The following RIPOR2 variants were observed in gnomAD, a reference collection of about 807,000 sequenced individuals.
The protein encoded by RIPOR2 is rho family-interacting cell polarization regulator 2.
RIPOR2 carries 39 observed loss-of-function variants against 114.5 expected under a neutral mutation model. The ratio of observed to expected loss-of-function variants is 0.34; its 90% CI spans 0.26 to 0.44. The LOEUF is 0.44. RIPOR2 is among the 20% of genes least tolerant of loss of function. The pLI, the probability that RIPOR2 is intolerant of heterozygous loss-of-function variation, is 1.00. For missense variants in RIPOR2, 1,007 were observed against 1,255.1 expected (o/e 0.80, Z 2.99); for synonymous variants, 445 against 484.4 (o/e 0.92, Z 1.07).
Position 24,875,722 on chromosome 6 carries a change from C to A in RIPOR2, c.157G>T (p.Gly53Cys). 6.2e-7 allele frequency: 1 copy of A among 1,613,654 alleles called. No individual in the cohort carries two copies. Among genetic ancestry groups the A allele is most frequent in the Non-Finnish European group, 8.5e-7 (1 of 1,179,798 alleles). ...NGIIRSQSFA[G>C]FSGLQERRSR... ...CGCCTTTCCTGGAGGCCGCTGAAAC[C>A]CGCAAAGGACTGGCTTCTAATGATC... is the stretch of plus-strand genomic sequence containing the variant. Residue 53 changes from glycine (G) to cysteine (C), a missense_variant, in exon 2 of 22, where the codon GGT becomes TGT. By Grantham distance (159) the Gly-to-Cys change is radical. Coordinates refer to ENST00000643898, the MANE Select transcript of RIPOR2 (RefSeq NM_001286445.3).
chr6:24,861,796 C>A (rs905075579), intron 7 of RIPOR2, among the ~76,000 whole-genome samples: 3 of 152,138 alleles, frequency 2.0e-5, no homozygotes, highest in Admixed American at 2.0e-4. Flanking sequence ...GGGATTTGAT[C>A]ATATGAGAGA....
At chr6:24,966,765 G>A (rs148540876) in intron 1 of RIPOR2, among the ~76,000 whole-genome samples, 362 of 152,316 alleles carry the variant, frequency 2.4e-3, no homozygotes, top group African/African-American at 7.2e-3. Flanking sequence ...AATAAGGACA[G>A]GTGATGAGCT....
At chr6:24,844,100 A>T (rs1762018830) in intron 12 of RIPOR2, among the ~76,000 whole-genome samples, 1 of 152,214 alleles carries the variant, frequency 6.6e-6, no homozygotes, top group Admixed American at 6.5e-5. Flanking sequence ...TAGTAACCAC[A>T]CCATAAATAA....
At chr6:25,020,960 G>T (rs1776292547) in intron 1 of RIPOR2, among the ~76,000 whole-genome samples, 1 of 152,052 alleles carries the variant, frequency 6.6e-6, no homozygotes, top group South Asian at 2.1e-4. Flanking sequence ...GGGTTCAAAT[G>T]ATTCTCCTGC....
intron 19 of RIPOR2, 32 bp downstream of exon 19, chr6:24,825,194 T>C (rs1581497333): frequency 4.7e-6 from 7 of 1,487,560 alleles, no homozygotes; most frequent in Non-Finnish European, 5.5e-6. Flanking sequence ...TAAACCAGCT[T>C]CTGGCTTGAT....
chr6:24,863,077 C>T (rs1190174165), intron 7 of RIPOR2, among the ~76,000 whole-genome samples: 3 of 152,002 alleles, frequency 2.0e-5, no homozygotes, highest in Admixed American at 6.6e-5. Context: ...CTCAGCCTCA[C>T]GAGTAGCTGG....
intron 18 of RIPOR2, among the ~76,000 whole-genome samples, chr6:24,826,367 T>C (rs561667116): frequency 6.6e-6 from 1 of 152,302 alleles, no homozygotes; most frequent in Non-Finnish European, 1.5e-5. Context: ...TGATCAACCA[T>C]TAGTCACAAA....
In RIPOR2 at chr6:25,031,698, GTTATATATAT is replaced by G. The variant is rs1214272172; in HGVS notation, c.76+10143_76+10152del. Among the ~76,000 whole-genome samples, 302 of 48,004 alleles carry G rather than the reference GTTATATATAT, an allele frequency of 6.3e-3. 5 individuals carry two copies. The highest frequency in any genetic ancestry group is 0.028 in the Middle Eastern group (1 of 36). 31.5% of individuals were successfully genotyped at this position (48,004 alleles called of 152,430 possible). ...GGTTAGGTATGTGATGTAGGTGGTA[GTTATATATAT>G]ATATATATATATATATATATATATA... On this transcript the variant is annotated intron_variant, in intron 1 of 13. Transcript: ENST00000510784.
intron 1 of RIPOR2, among the ~76,000 whole-genome samples, chr6:24,977,727 C>T (rs893832315): frequency 1.3e-5 from 2 of 152,140 alleles, no homozygotes; most frequent in African/African-American, 4.8e-5. Context: ...TTGTTGGTTT[C>T]TGTAAACATC....
At chr6:25,017,168 C>G (rs980207567) in intron 1 of RIPOR2, among the ~76,000 whole-genome samples, 2 of 152,118 alleles carry the variant, frequency 1.3e-5, no homozygotes, top group East Asian at 3.9e-4. Flanking sequence ...GGTGAAACCC[C>G]ATCTCTACTA....
intron 17 of RIPOR2, 116 bp from the exon 18 acceptor site, chr6:24,828,411 C>A: frequency 2.1e-6 from 2 of 973,686 alleles, no homozygotes; most frequent in Non-Finnish European, 2.8e-6. Flanking sequence ...ACTTTGTTGC[C>A]CAGGTTGGTC....
rs1434617234 is a variant in RIPOR2 at position 24,835,811 on chromosome 6, T to C, written c.2100A>G (p.Thr700=). ...GHLSEALTED[T]GVGTSVAGSP... ...TTCCTGCCACACTGGTCCCAACTCC[T>C]GTGTCTTCAGTGAGCGCTTCACTGA... The change falls in exon 15 of 22, where the codon ACA becomes ACG. Residue 700 remains threonine (T), a synonymous_variant. Coordinates refer to ENST00000643898, the MANE Select transcript of RIPOR2 (RefSeq NM_001286445.3). The C allele has an allele frequency of 6.4e-7, 1 of 1,551,542 alleles. No homozygotes were observed. The highest frequency in any genetic ancestry group is 1.4e-5 in the African/African-American group (1 of 73,044).
chr6:24,985,232 G>T (rs1007725330), intron 1 of RIPOR2, among the ~76,000 whole-genome samples: 3 of 152,150 alleles, frequency 2.0e-5, no homozygotes, highest in African/African-American at 7.2e-5. Flanking sequence ...TTTGGTGGGA[G>T]AAAAGGGGCC....
chr6:24,904,981 G>T (rs1396670062), intron 1 of RIPOR2, among the ~76,000 whole-genome samples: 1 of 151,934 alleles, frequency 6.6e-6, no homozygotes. Context: ...CACCATGTTG[G>T]CCAGGCTGGT....
intron 1 of RIPOR2, chr6:25,014,981 C>G (rs1351163425): frequency 6.7e-6 from 1 of 149,148 alleles, no homozygotes; most frequent in Non-Finnish European, 1.5e-5. Context: ...TCACAGTGAC[C>G]TTTTATTAAA....
intron 2 of RIPOR2, among the ~76,000 whole-genome samples, chr6:24,875,405 A>G (rs1456990637): frequency 2.0e-5 from 3 of 152,212 alleles, no homozygotes; most frequent in Admixed American, 6.5e-5. Flanking sequence ...ATGCAATGGA[A>G]AATGTGCTTC....
intron 1 of RIPOR2, among the ~76,000 whole-genome samples, chr6:25,034,537 G>T (rs1777148466): frequency 6.6e-6 from 1 of 152,084 alleles, no homozygotes; most frequent in Non-Finnish European, 1.5e-5. Flanking sequence ...TTGCTATTCT[G>T]GTAATTTTCT....
intron 1 of RIPOR2, among the ~76,000 whole-genome samples, chr6:24,996,408 G>A (rs550719302): frequency 3.3e-5 from 5 of 152,262 alleles, no homozygotes; most frequent in Non-Finnish European, 7.4e-5. Flanking sequence ...AGTGTGCAGA[G>A]GAGGTGGGGA....
At chr6:24,809,912 C>T in intron 20 of RIPOR2, 105 bp from the exon 21 acceptor site, 1 of 761,524 alleles carries the variant, frequency 1.3e-6, no homozygotes, top group Non-Finnish European at 2.2e-6. Context: ...ACTTTGTTGC[C>T]CAGGCTGGAG....
Sources: allele counts gnomAD v4.1 joint callset (sites outside exome capture counted in the v4.1 genomes callset), GRCh38; gene constraint gnomAD v4.1.1; transcripts MANE v1.5; gene names NCBI Gene and HGNC (gene_info 2026-07-23, HGNC 2026-07-21).